The following ANKS1A variants were observed in gnomAD, a reference collection of about 807,000 sequenced individuals.
The protein encoded by ANKS1A is ankyrin repeat and sterile alpha motif domain containing 1A.
A neutral mutation model predicts 120.3 loss-of-function variants in ANKS1A; 55 were observed. The observed-to-expected ratio is 0.46, with a 90% CI of 0.37 to 0.57. The LOEUF (loss-of-function observed/expected upper bound fraction) is 0.57. Among genes scored for constraint, ANKS1A ranks in the 20% least tolerant of loss-of-function variants. The probability of loss-of-function intolerance (pLI) is 0.00; values close to 1 mark genes in which losing one functional copy is unlikely to be tolerated. For missense variants in ANKS1A, 1,123 were observed against 1,480.3 expected (o/e 0.76, Z 3.96); for synonymous variants, 590 against 604.7 (o/e 0.98, Z 0.36).
chr6:35,070,994 A>C (rs1026419341), intron 13 of ANKS1A: 1 of 541,942 alleles, frequency 1.8e-6, no homozygotes, highest in South Asian at 1.6e-5. Context: ...TATTTTACAG[A>C]GGCCTGCCCA....
In ANKS1A at chr6:35,039,957, A is replaced by G. The variant is rs141842981; in HGVS notation, c.2011-14142A>G. 1.1e-4 allele frequency among the ~76,000 whole-genome samples: 16 copies of G among 152,326 alleles called. No individual in the cohort carries two copies. In the East Asian group the frequency reaches 2.5e-3, roughly 24 times the overall value. Reference sequence around the variant, plus strand: ...CTGGCTTAGAAACGGCTGCCTTCTCACTATATTCTCACATGGCAGAATATA... The same window carrying G: ...CTGGCTTAGAAACGGCTGCCTTCTCGCTATATTCTCACATGGCAGAATATA... On this transcript the variant is annotated intron_variant, in intron 11 of 23. Transcript: ENST00000360359.
chr6:35,079,169 C>T (rs955076193), intron 14 of ANKS1A, among the ~76,000 whole-genome samples: 2 of 152,224 alleles, frequency 1.3e-5, no homozygotes, highest in African/African-American at 4.8e-5. Flanking sequence ...TTGGGAAGCG[C>T]CCGCTCTGAG....
intron 10 of ANKS1A, among the ~76,000 whole-genome samples, chr6:35,010,179 A>C (rs1773683322): frequency 6.6e-6 from 1 of 152,218 alleles, no homozygotes; most frequent in African/African-American, 2.4e-5. Context: ...AATAATAATA[A>C]TAATTTTTTT....
At chr6:34,932,564 T>C (rs968226718) in intron 1 of ANKS1A, among the ~76,000 whole-genome samples, 10 of 152,212 alleles carry the variant, frequency 6.6e-5, no homozygotes, top group African/African-American at 2.4e-4. Flanking sequence ...TTTGTATTTT[T>C]AGCAGAGATG....
intron 1 of ANKS1A, among the ~76,000 whole-genome samples, chr6:34,906,020 T>C (rs961859210): frequency 6.6e-6 from 1 of 152,188 alleles, no homozygotes; most frequent in African/African-American, 2.4e-5. Flanking sequence ...ATACTGGCTC[T>C]GGGGAAGGGC....
At chr6:34,931,837 GA>G (rs1212574049) in intron 1 of ANKS1A, among the ~76,000 whole-genome samples, 1 of 152,256 alleles carries the variant, frequency 6.6e-6, no homozygotes, top group African/African-American at 2.4e-5. Flanking sequence ...GACACTTGCA[GA>G]GAGCTAAAAG....
Position 35,085,309 on chromosome 6 carries a change from G to A in ANKS1A, c.3133-457G>A, listed in dbSNP as rs972455673. 3.3e-5 allele frequency among the ~76,000 whole-genome samples: 5 copies of A among 152,138 alleles called. No homozygotes were observed. The highest frequency in any genetic ancestry group is 2.1e-4 in the South Asian group (1 of 4,826). On this transcript the variant is annotated intron_variant, in intron 21 of 23. Coordinates refer to ENST00000360359, the MANE Select transcript of ANKS1A (RefSeq NM_015245.3). The surrounding 1 kb of genome is among the most constrained non-coding windows in gnomAD (Gnocchi z 4.7). Reference sequence around the variant, plus strand: ...CACATACACTCAGTTCTGCTGTAACGCCACACATACGCTCCTAACAATCAC... The same window carrying A: ...CACATACACTCAGTTCTGCTGTAACACCACACATACGCTCCTAACAATCAC...
chr6:35,063,221 C>T (rs780613506), intron 13 of ANKS1A, among the ~76,000 whole-genome samples: 2 of 152,224 alleles, frequency 1.3e-5, no homozygotes, highest in Non-Finnish European at 2.9e-5. Flanking sequence ...AGCCAGCCAG[C>T]CCACGAGCCC....
intron 1 of ANKS1A, among the ~76,000 whole-genome samples, chr6:34,933,748 TTTC>T (rs1769114379): frequency 6.6e-6 from 1 of 152,224 alleles, no homozygotes; most frequent in African/African-American, 2.4e-5. Context: ...AGTGTTCTAG[TTTC>T]TTCCAACCCT....
At chr6:34,958,458 C>T (rs1197979428) in intron 1 of ANKS1A, among the ~76,000 whole-genome samples, 1 of 152,144 alleles carries the variant, frequency 6.6e-6, no homozygotes, top group Non-Finnish European at 1.5e-5. Context: ...GTATCATTTA[C>T]ACACCTGCTC....
intron 1 of ANKS1A, among the ~76,000 whole-genome samples, chr6:34,896,782 T>C (rs1456327758): frequency 3.3e-5 from 5 of 151,994 alleles, no homozygotes; most frequent in African/African-American, 9.7e-5. Flanking sequence ...CTGGCCAATA[T>C]GGTAAAACCC....
rs1398487854 is a variant in ANKS1A at position 35,090,174 on chromosome 6, C to G, written c.*1565C>G. 25 of 1,289,456 alleles carry G rather than the reference C, an allele frequency of 1.9e-5. No individual in the cohort carries two copies. The highest frequency in any genetic ancestry group is 2.4e-5 in the Non-Finnish European group (24 of 988,882). 79.9% of individuals were successfully genotyped at this position (1,289,456 alleles called of 1,614,324 possible). ...GCAGGCCCTCCTCCACTTCTTGGTA[C>G]TAAACGAAGATCTCGACACCTTGCA... On this transcript the variant is annotated 3_prime_UTR_variant, in exon 24 of 24. Coordinates refer to ENST00000360359, the MANE Select transcript of ANKS1A (RefSeq NM_015245.3).
intron 1 of ANKS1A, among the ~76,000 whole-genome samples, chr6:34,933,391 A>G (rs2127475588): frequency 6.6e-6 from 1 of 152,298 alleles, no homozygotes; most frequent in East Asian, 1.9e-4. Flanking sequence ...TGTTTTTGAG[A>G]TGGAGTTTCG....
At chr6:35,067,215 C>G (rs970568943) in intron 13 of ANKS1A, among the ~76,000 whole-genome samples, 1 of 152,158 alleles carries the variant, frequency 6.6e-6, no homozygotes, top group African/African-American at 2.4e-5. Context: ...TCTTTGCTTT[C>G]TGTCCCCTCT....
intron 10 of ANKS1A, among the ~76,000 whole-genome samples, chr6:34,997,064 C>T (rs79511874): frequency 6.7e-4 from 102 of 152,252 alleles, no homozygotes; most frequent in African/African-American, 2.2e-3. Context: ...TCCCCACACC[C>T]GGTTCTTAGT....
At chr6:35,022,384 T>C (rs1774388733) in intron 11 of ANKS1A, among the ~76,000 whole-genome samples, 1 of 152,258 alleles carries the variant, frequency 6.6e-6, no homozygotes, top group African/African-American at 2.4e-5. Flanking sequence ...AAATACAGAC[T>C]GCTCCTTATT....
At position 35,078,632 on chromosome 6, in the gene ANKS1A, C is replaced by G. The variant is rs926962967; in HGVS notation, c.2259C>G (p.Leu753=). Reference sequence around the variant, plus strand: ...ACCCACAGCACCGGCGGAAGCTGCTCCAGGCGGCACGCTCCCTACCCAAGG... The same window carrying G: ...ACCCACAGCACCGGCGGAAGCTGCTGCAGGCGGCACGCTCCCTACCCAAGG... The part of the protein sequence containing the change: ...ISDPQHRRKL[L]QAARSLPKVK... The change falls in exon 14 of 24, where the codon CTC becomes CTG. Residue 753 remains leucine (L), a synonymous_variant. Transcript: ENST00000360359. The G allele has an allele frequency of 6.2e-7, 1 of 1,603,788 alleles. No individual in the cohort carries two copies. Among genetic ancestry groups the G allele is most frequent in the South Asian group, 1.1e-5 (1 of 91,074 alleles).
chr6:34,923,825 A>T (rs1363351197), intron 1 of ANKS1A, among the ~76,000 whole-genome samples: 1 of 152,164 alleles, frequency 6.6e-6, no homozygotes, highest in East Asian at 1.9e-4. Flanking sequence ...AAGTGCATGT[A>T]TTGTGCCCAA....
intron 11 of ANKS1A, among the ~76,000 whole-genome samples, chr6:35,021,578 A>C (rs964033197): frequency 6.6e-6 from 1 of 152,222 alleles, no homozygotes; most frequent in South Asian, 2.1e-4. Flanking sequence ...ACTGCCTAGC[A>C]CAGTTCCTAG....
Sources: gnomAD v4.1 joint callset for allele counts (sites outside exome capture counted in the v4.1 genomes callset) on GRCh38, gnomAD v4.1.1 for gene constraint, Gnocchi (gnomAD v3.1) non-coding constraint, MANE v1.5 for transcripts, NCBI Gene and HGNC (gene_info 2026-07-23, HGNC 2026-07-21) for gene names.